NOSTRIN: variants seen among roughly 807,000 people sequenced by gnomAD.
NOSTRIN encodes BM247 homolog.
NOSTRIN carries 63 observed loss-of-function variants against 59.0 expected under a neutral mutation model. The observed-to-expected ratio is 1.07, with a 90% CI of 0.87 to 1.32. NOSTRIN has a LOEUF of 1.32. Ranked by LOEUF, NOSTRIN falls within the 40% of genes most tolerant of loss-of-function variation. NOSTRIN has a pLI of 0.00. For missense variants in NOSTRIN, 512 were observed against 473.1 expected, an observed-to-expected ratio of 1.08 and a Z score of -0.76; for synonymous variants, 200 against 165.4, an observed-to-expected ratio of 1.21 and a Z score of -1.61.
intron 2 of NOSTRIN, chr2:168,811,881 T>A (rs1686155555): frequency 2.8e-6 from 1 of 355,056 alleles, no homozygotes; most frequent in East Asian, 5.1e-5. Context: ...CTCAGTCAAG[T>A]CTCTTCTGAT....
intron 2 of NOSTRIN, among the ~76,000 whole-genome samples, chr2:168,812,400 AT>A (rs534062344): frequency 1.6e-3 from 248 of 152,302 alleles, no homozygotes; most frequent in Non-Finnish European, 2.1e-3. Context: ...TGCATCCTGA[AT>A]TAGTAGGTTG....
At chr2:168,807,900 C>T (rs1238211986) in intron 1 of NOSTRIN, among the ~76,000 whole-genome samples, 1 of 152,172 alleles carries the variant, frequency 6.6e-6, no homozygotes, top group Non-Finnish European at 1.5e-5. Context: ...CCTGGTAGCC[C>T]ATGGGTCAAT....
At chr2:168,800,510 T>C (rs918821382), upstream of NOSTRIN, among the ~76,000 whole-genome samples, 1 of 151,850 alleles carries the variant, frequency 6.6e-6, no homozygotes, top group South Asian at 2.1e-4. Context: ...AGGAGCAAGA[T>C]GGAAGGATTT....
At chr2:168,822,795 T>A (rs1282094364) in intron 2 of NOSTRIN, among the ~76,000 whole-genome samples, 1 of 152,198 alleles carries the variant, frequency 6.6e-6, no homozygotes, top group African/African-American at 2.4e-5. Context: ...TGCCCAGACT[T>A]CCTACTGAGC....
chr2:168,802,932 AT>A (rs1685668801), intron 1 of NOSTRIN, among the ~76,000 whole-genome samples: 1 of 152,166 alleles, frequency 6.6e-6, no homozygotes, highest in South Asian at 2.1e-4. Context: ...AAAGCCTCAT[AT>A]TTGGATCCAG....
intron 3 of NOSTRIN, among the ~76,000 whole-genome samples, chr2:168,827,032 G>C (rs892776410): frequency 2.0e-5 from 3 of 152,178 alleles, no homozygotes; most frequent in Admixed American, 1.3e-4. Context: ...AGAAAATCTG[G>C]CATCTTTTGG....
chr2:168,791,176 T>C (rs1329747978), intron 2 of NOSTRIN, among the ~76,000 whole-genome samples: 10 of 152,174 alleles, frequency 6.6e-5, no homozygotes, highest in Non-Finnish European at 1.2e-4. Flanking sequence ...CAGTGTGTGA[T>C]GTTCCCCTTC....
At chr2:168,833,652 C>G (rs981789594) in intron 6 of NOSTRIN, among the ~76,000 whole-genome samples, 2 of 152,218 alleles carry the variant, frequency 1.3e-5, no homozygotes, top group Non-Finnish European at 2.9e-5. Flanking sequence ...TAGGGAGACT[C>G]TTGAGTGCTC....
intron 15 of NOSTRIN, among the ~76,000 whole-genome samples, chr2:168,864,433 G>C (rs1415485828): frequency 2.0e-5 from 3 of 151,970 alleles, no homozygotes; most frequent in Admixed American, 2.0e-4. Flanking sequence ...TTACAGGCGT[G>C]CGCCACCACA....
At chr2:168,811,210 A>C (rs1686118818) in intron 1 of NOSTRIN, 1 of 155,800 alleles carries the variant, frequency 6.4e-6, no homozygotes, top group Non-Finnish European at 1.4e-5. Context: ...GAGGGGCATA[A>C]AATAGTTACG....
rs376138797 is a variant in NOSTRIN at position 168,856,759 on chromosome 2, C to G, written c.1034C>G (p.Thr345Arg). ...SFSDAKSQKD[T>R]AALMDENNLK... ...TCTGATGCAAAGAGCCAGAAAGACACAGCAGCGTTAATGGATGAGGTAAAT... is the reference window on the plus strand; with the variant it reads ...TCTGATGCAAAGAGCCAGAAAGACAGAGCAGCGTTAATGGATGAGGTAAAT... Residue 345 changes from threonine (T) to arginine (R), a missense_variant, in exon 12 of 16, where the codon ACA becomes AGA. Coordinates refer to ENST00000317647, the MANE Select transcript of NOSTRIN (RefSeq NM_001039724.4). 5 of 1,614,114 alleles carry G rather than the reference C, an allele frequency of 3.1e-6. No individual in the cohort carries two copies. Among genetic ancestry groups the G allele is most frequent in the Non-Finnish European group, 4.2e-6 (5 of 1,179,964 alleles).
At chr2:168,860,757 C>T (rs772139232) in intron 13 of NOSTRIN, 38 bp from the exon 14 acceptor site, 7 of 1,206,038 alleles carry the variant, frequency 5.8e-6, no homozygotes, top group East Asian at 2.3e-5. Flanking sequence ...TTATGATAAT[C>T]GTGTTACAAA....
At chr2:168,834,488 CGT>C (rs1559122733) in intron 7 of NOSTRIN, among the ~76,000 whole-genome samples, 163 bp downstream of exon 7, 3 of 87,346 alleles carry the variant, frequency 3.4e-5, no homozygotes, top group East Asian at 5.1e-4. Context: ...TCATTACTGG[CGT>C]GCGCGCGCGC....
At chr2:168,825,645 A>G (rs1687021249) in intron 3 of NOSTRIN, among the ~76,000 whole-genome samples, 1 of 152,230 alleles carries the variant, frequency 6.6e-6, no homozygotes, top group Non-Finnish European at 1.5e-5. Flanking sequence ...TTGCAGCACT[A>G]AGAATGAAGT....
chr2:168,842,965 A>G (rs539862212), intron 7 of NOSTRIN, 27 bp from the exon 8 acceptor site: 2 of 865,468 alleles, frequency 2.3e-6, no homozygotes, highest in East Asian at 2.4e-5. Context: ...GTGTTAGTAA[A>G]TGTGTGACAT....
At chr2:168,847,144 G>A (rs757776747) in intron 8 of NOSTRIN, among the ~76,000 whole-genome samples, 9 of 152,094 alleles carry the variant, frequency 5.9e-5, no homozygotes, top group South Asian at 4.1e-4. Flanking sequence ...CTAATGGCAC[G>A]GGAAACTGTT....
chr2:168,826,500 G>C (rs574479005), intron 3 of NOSTRIN, among the ~76,000 whole-genome samples: 2 of 145,742 alleles, frequency 1.4e-5, no homozygotes, highest in East Asian at 2.0e-4. Context: ...TTTTTACCCT[G>C]TCTTTTCACA....
chr2:168,828,136 C>A lies in NOSTRIN; in HGVS notation c.198-22C>A, dbSNP rs574725385. The A allele has an allele frequency of 3.4e-5, 30 of 872,776 alleles. No homozygotes were observed. The African/African-American group carries it at 4.9e-4, about 14-fold the overall frequency. 54.1% of individuals were successfully genotyped at this position (872,776 alleles called of 1,614,324 possible). On this transcript the variant is annotated intron_variant, in intron 3 of 15. Coordinates refer to ENST00000317647, the MANE Select transcript of NOSTRIN (RefSeq NM_001039724.4). ...TAGGAAAATGACACTCACCTTTGTT[C>A]CCCACTTTTTTTTGCCTTTAGTTGT...
At chr2:168,864,434 C>A (rs533539605) in intron 15 of NOSTRIN, among the ~76,000 whole-genome samples, 1 of 151,570 alleles carries the variant, frequency 6.6e-6, no homozygotes, top group African/African-American at 2.4e-5. Flanking sequence ...TACAGGCGTG[C>A]GCCACCACAC....
Sources: allele counts gnomAD v4.1 joint callset (sites outside exome capture counted in the v4.1 genomes callset), GRCh38; gene constraint gnomAD v4.1.1; transcripts MANE v1.5; gene names NCBI Gene and HGNC (gene_info 2026-07-23, HGNC 2026-07-21).